UNC13C: variants seen among roughly 807,000 people sequenced by gnomAD.
UNC13C encodes the protein protein unc-13 homolog C.
In UNC13C, 174 loss-of-function variants were observed where a neutral mutation model predicts 245.4. That is an observed-to-expected ratio of 0.71 (90% CI 0.63 to 0.80). The LOEUF (loss-of-function observed/expected upper bound fraction) is 0.80. Ranked by LOEUF, UNC13C falls within the 30% of genes least tolerant of loss-of-function variation. UNC13C has a pLI of 0.00. For missense variants in UNC13C, 2,829 were observed against 2,602.9 expected (o/e 1.09, Z -1.89); for synonymous variants, 992 against 895.1 (o/e 1.11, Z -1.93).
chr15:54,452,327 G>A (rs2414314), intron 19 of UNC13C, among the ~76,000 whole-genome samples: 57,686 of 152,036 alleles, frequency 0.38, 11,234 homozygotes, highest in East Asian at 0.62. Context: ...TGGATAGTGC[G>A]TGGATTATGG....
intron 2 of UNC13C, among the ~76,000 whole-genome samples, chr15:54,140,939 T>A (rs1486824453): frequency 6.6e-6 from 1 of 152,182 alleles, no homozygotes; most frequent in African/African-American, 2.4e-5. Context: ...GCCATAAATA[T>A]GTGTTCAGTG....
chr15:54,455,637 G>T (rs745679764), intron 19 of UNC13C, among the ~76,000 whole-genome samples: 9 of 147,756 alleles, frequency 6.1e-5, no homozygotes, highest in African/African-American at 5.0e-5. Context: ...TTTCATGTTT[G>T]TTGGCCATTT....
intron 1 of UNC13C, among the ~76,000 whole-genome samples, chr15:53,985,074 C>A (rs1293259944): frequency 6.6e-6 from 1 of 151,434 alleles, no homozygotes; most frequent in Non-Finnish European, 1.5e-5. Context: ...ACCTATTGAC[C>A]CATCCTCTAA....
intron 1 of UNC13C, among the ~76,000 whole-genome samples, chr15:54,008,802 G>A (rs535216029): frequency 6.6e-6 from 1 of 152,246 alleles, no homozygotes; most frequent in African/African-American, 2.4e-5. Flanking sequence ...ACGTACAAAT[G>A]ATTGTTTCAT....
chr15:54,440,791 C>T (rs1355267217), intron 19 of UNC13C, among the ~76,000 whole-genome samples: 7 of 151,996 alleles, frequency 4.6e-5, no homozygotes, highest in Non-Finnish European at 1.0e-4. Flanking sequence ...TATAAGTGTT[C>T]CCTTTTCTCT....
chr15:54,136,895 G>A (rs1437422302), intron 2 of UNC13C, among the ~76,000 whole-genome samples: 2 of 151,552 alleles, frequency 1.3e-5, no homozygotes, highest in African/African-American at 4.9e-5. Context: ...ACCCAGGAGT[G>A]CAGTGGTACC....
chr15:54,093,652 C>T lies in UNC13C; in HGVS notation c.2984-49366C>T, dbSNP rs145668566. On this transcript the variant is annotated intron_variant, in intron 2 of 32. Coordinates refer to ENST00000260323, the MANE Select transcript of UNC13C (RefSeq NM_001080534.3). ...CATGATCTGAGAGCCCTTGGAAAGT[C>T]ACATTTGGGTTCTTCTACAATAATT... Among the ~76,000 whole-genome samples, 42 of 152,322 alleles carry T rather than the reference C, an allele frequency of 2.8e-4. No individual in the cohort carries two copies. The East Asian group carries it at 7.5e-3, about 27-fold the overall frequency.
At chr15:54,483,486 GTTTTCTTTTC>G (rs374408480) in intron 19 of UNC13C, among the ~76,000 whole-genome samples, 5 of 152,028 alleles carry the variant, frequency 3.3e-5, no homozygotes, top group Admixed American at 1.3e-4. Context: ...GAATTACGCT[GTTTTCTTTTC>G]TTTTCTTTTC....
At chr15:54,077,848 G>A (rs1898721337) in intron 2 of UNC13C, among the ~76,000 whole-genome samples, 1 of 152,016 alleles carries the variant, frequency 6.6e-6, no homozygotes, top group Non-Finnish European at 1.5e-5. Flanking sequence ...CAGATTTAGG[G>A]GGTACTTGTG....
chr15:53,838,125 G>A, the UNC13C span, among the ~76,000 whole-genome samples: 1 of 151,974 alleles, frequency 6.6e-6, no homozygotes, highest in South Asian at 2.1e-4. Flanking sequence ...AAAATATCTT[G>A]TTGGGATTTT....
chr15:54,083,501 C>T (rs528846603), intron 2 of UNC13C, among the ~76,000 whole-genome samples: 1 of 152,322 alleles, frequency 6.6e-6, no homozygotes, highest in South Asian at 2.1e-4. Flanking sequence ...AAAGCACTTT[C>T]TCCAAGTGTA....
chr15:54,107,333 A>G (rs1900497588), intron 2 of UNC13C, among the ~76,000 whole-genome samples: 1 of 152,160 alleles, frequency 6.6e-6, no homozygotes, highest in African/African-American at 2.4e-5. Context: ...AATGATAATC[A>G]TTCAAATATT....
chr15:53,917,812 C>T, the UNC13C span, among the ~76,000 whole-genome samples: 1 of 152,134 alleles, frequency 6.6e-6, no homozygotes, highest in African/African-American at 2.4e-5. Context: ...AATTCTTTGT[C>T]ACTTTCATTG....
At chr15:54,223,994 G>A (rs1596035576) in intron 4 of UNC13C, among the ~76,000 whole-genome samples, 1 of 152,194 alleles carries the variant, frequency 6.6e-6, no homozygotes, top group Middle Eastern at 3.4e-3. Flanking sequence ...TTTGTATCCT[G>A]CAACTTTACT....
At chr15:54,338,520 C>T in intron 17 of UNC13C, 31 bp downstream of exon 17, 1 of 1,605,026 alleles carries the variant, frequency 6.2e-7, no homozygotes, top group Non-Finnish European at 8.5e-7. Flanking sequence ...TTTATAATCG[C>T]CACTTTTGTT....
At chr15:54,256,491 GAAAT>G (rs1248260374) in intron 8 of UNC13C, among the ~76,000 whole-genome samples, 1 of 140,784 alleles carries the variant, frequency 7.1e-6, no homozygotes, top group Non-Finnish European at 1.6e-5. Flanking sequence ...GAAAATTCTA[GAAAT>G]AAACAATGTA....
the UNC13C span, among the ~76,000 whole-genome samples, chr15:53,900,200 A>AT: frequency 0.26 from 38,970 of 151,962 alleles, 5,439 homozygotes; most frequent in East Asian, 0.42. Flanking sequence ...AGGAATTATA[A>AT]TTTTTTAGTA....
At chr15:54,389,732 C>CTT (rs913599439) in intron 17 of UNC13C, among the ~76,000 whole-genome samples, 41 of 145,330 alleles carry the variant, frequency 2.8e-4, no homozygotes, top group African/African-American at 1.0e-3. Context: ...TTGCATTTTT[C>CTT]TTTTTTTTTT....
downstream of UNC13C, chr15:54,629,949 T>C (rs984001615): frequency 3.3e-5 from 5 of 152,244 alleles, no homozygotes; most frequent in African/African-American, 1.2e-4. Context: ...CTGTAGACTC[T>C]GTTTTCCTCT....
Sources: allele counts gnomAD v4.1 joint callset (sites outside exome capture counted in the v4.1 genomes callset), GRCh38; gene constraint gnomAD v4.1.1; transcripts MANE v1.5; gene names NCBI Gene and HGNC (gene_info 2026-07-23, HGNC 2026-07-21).